Variants in CDH22 observed in about 807,000 individuals in gnomAD.
CDH22 encodes cadherin 22.
A neutral mutation model predicts 58.4 loss-of-function variants in CDH22; 30 were observed. The ratio of observed to expected loss-of-function variants is 0.51; its 90% CI spans 0.38 to 0.70. CDH22 has a LOEUF of 0.70. Among genes scored for constraint, CDH22 ranks in the 30% least tolerant of loss-of-function variants. CDH22 has a pLI of 0.00. For synonymous variants in CDH22, 513 were observed against 558.2 expected (o/e 0.92, Z 1.14); for missense variants, 1,014 against 1,233.9 (o/e 0.82, Z 2.67).
intron 1 of CDH22, among the ~76,000 whole-genome samples, chr20:46,263,304 T>G (rs1334510193): frequency 6.6e-6 from 1 of 152,158 alleles, no homozygotes; most frequent in Non-Finnish European, 1.5e-5. Context: ...CTTGTTCCAC[T>G]TATGGATTCA....
rs997717315 is a variant in CDH22, at chr20:46,174,378, T to C, written c.*128A>G. On this transcript the variant is annotated 3_prime_UTR_variant, in exon 12 of 12. Transcript: ENST00000537909. This position sits in a 1 kb window ranked among gnomAD's most constrained non-coding sequence, Gnocchi z 4.4. ...GAGTCCGCTCCTAGCAAGTCCCCCC[T>C]CCGTCCAGCCGCCAAGGGAGGGTTG... 82 of 640,546 alleles carry C rather than the reference T, an allele frequency of 1.3e-4. 1 individual carries two copies. The South Asian group carries it at 1.7e-3, about 14-fold the overall frequency. 39.7% of individuals were successfully genotyped at this position (640,546 alleles called of 1,614,324 possible).
Position 46,282,293 on chromosome 20 carries a change from C to T in CDH22, c.-400+25962G>A, listed in dbSNP as rs148842192. On this transcript the variant is annotated intron_variant, in intron 1 of 11. Coordinates refer to ENST00000537909, the MANE Select transcript of CDH22 (RefSeq NM_021248.3). The stretch of plus-strand genomic sequence containing the variant: ...GGTTAGATTCCACAGTAGATTTGCC[C>T]GGGGGGTGGGAGCAGCACTGGGGAG... Among the ~76,000 whole-genome samples, 526 of 152,106 alleles carry T rather than the reference C, an allele frequency of 3.5e-3. 8 individuals are homozygous for T. Among genetic ancestry groups the T allele is most frequent in the Admixed American group, 0.021 (318 of 15,284 alleles).
chr20:46,237,324 C>G (rs978260038), intron 3 of CDH22, among the ~76,000 whole-genome samples: 1 of 152,150 alleles, frequency 6.6e-6, no homozygotes, highest in Non-Finnish European at 1.5e-5. Context: ...GGCCCCCCGG[C>G]ACACTTCCCT....
chr20:46,267,466 C>CAAAGAAAAAGTGTCCAGTTA (rs2086466560), intron 1 of CDH22, among the ~76,000 whole-genome samples: 1 of 152,228 alleles, frequency 6.6e-6, no homozygotes, highest in African/African-American at 2.4e-5. Flanking sequence ...TCTCCAGTTA[C>CAAAGAAAAAGTGTCCAGTTA]CAATGAACAA....
intron 1 of CDH22, among the ~76,000 whole-genome samples, chr20:46,254,645 A>T (rs1395096864): frequency 1.3e-5 from 2 of 152,090 alleles, no homozygotes; most frequent in Non-Finnish European, 2.9e-5. Context: ...ATTAATCTAC[A>T]GTATAATTTC....
intron 1 of CDH22, among the ~76,000 whole-genome samples, chr20:46,295,678 GC>G (rs1344513831): frequency 6.6e-6 from 1 of 152,192 alleles, no homozygotes; most frequent in Non-Finnish European, 1.5e-5. Flanking sequence ...GCTCTGGGCT[GC>G]CATCCTCATT....
At chr20:46,281,519 ATCCTGC>A in intron 1 of CDH22, among the ~76,000 whole-genome samples, 1 of 151,384 alleles carries the variant, frequency 6.6e-6, no homozygotes, top group South Asian at 2.1e-4. Context: ...GGCATATAAC[ATCCTGC>A]CTTTGTATTC....
chr20:46,271,127 C>T (rs928554904), intron 1 of CDH22, among the ~76,000 whole-genome samples: 2 of 152,176 alleles, frequency 1.3e-5, no homozygotes, highest in African/African-American at 2.4e-5. Context: ...GAGGCTGTAC[C>T]ACCTGCTGGG....
At chr20:46,182,594 G>A (rs2085797456) in intron 10 of CDH22, among the ~76,000 whole-genome samples, 1 of 152,172 alleles carries the variant, frequency 6.6e-6, no homozygotes, top group Admixed American at 6.5e-5. Flanking sequence ...GAATCCCCAG[G>A]CATCAACCCT....
At position 46,212,979 on chromosome 20, in the gene CDH22, C is replaced by T. The variant is rs755740972; in HGVS notation, c.1032+16G>A. The T allele has an allele frequency of 6.2e-6, 10 of 1,610,888 alleles. No homozygotes were observed. The Admixed American group carries it at 8.3e-5, about 13-fold the overall frequency. Reference sequence around the variant, plus strand: ...CCTGAGGCCTGCCTCCCCCATTCCTCCTGAGGCAGCTGCACCTTCTGCACT... The same window carrying T: ...CCTGAGGCCTGCCTCCCCCATTCCTTCTGAGGCAGCTGCACCTTCTGCACT... On this transcript the variant is annotated intron_variant, in intron 6 of 11. Coordinates refer to ENST00000537909, the MANE Select transcript of CDH22 (RefSeq NM_021248.3).
intron 5 of CDH22, among the ~76,000 whole-genome samples, chr20:46,215,848 GC>G (rs2145694970): frequency 6.6e-6 from 1 of 152,360 alleles, no homozygotes; most frequent in African/African-American, 2.4e-5. Flanking sequence ...TCTGCATGGG[GC>G]TGCCTTCAGG....
At chr20:46,200,802 G>C (rs948455692) in intron 7 of CDH22, among the ~76,000 whole-genome samples, 1 of 152,184 alleles carries the variant, frequency 6.6e-6, no homozygotes, top group Non-Finnish European at 1.5e-5. Flanking sequence ...GTACTGGGGA[G>C]CCAACGGGGA....
intron 8 of CDH22, among the ~76,000 whole-genome samples, chr20:46,190,205 T>C (rs2085853410): frequency 6.6e-6 from 1 of 152,222 alleles, no homozygotes; most frequent in African/African-American, 2.4e-5. Context: ...CATAACACTC[T>C]CTCTTATTAT....
chr20:46,218,005 C>A (rs556226142), intron 4 of CDH22, among the ~76,000 whole-genome samples: 22 of 152,120 alleles, frequency 1.4e-4, no homozygotes, highest in African/African-American at 5.1e-4. Flanking sequence ...CAGCTCACTG[C>A]AACCTCCTCC....
intron 7 of CDH22, 115 bp from the exon 8 acceptor site, chr20:46,199,674 G>C: frequency 7.6e-7 from 1 of 1,317,448 alleles, no homozygotes; most frequent in Non-Finnish European, 1.0e-6. Context: ...CACACACAAG[G>C]GGCAGAGAAA....
intron 1 of CDH22, among the ~76,000 whole-genome samples, chr20:46,296,370 A>G (rs2086629069): frequency 6.6e-6 from 1 of 152,210 alleles, no homozygotes; most frequent in Non-Finnish European, 1.5e-5. Context: ...AGATGAGTAA[A>G]CAGAGGCTCA....
chr20:46,186,202 CAAAA>C (rs57944745), intron 10 of CDH22, among the ~76,000 whole-genome samples: 2 of 81,096 alleles, frequency 2.5e-5, no homozygotes. Flanking sequence ...GACCCTGTCT[CAAAA>C]AAAAAAAAAA....
chr20:46,185,756 T>C (rs148848005), intron 10 of CDH22, among the ~76,000 whole-genome samples: 69 of 152,306 alleles, frequency 4.5e-4, no homozygotes, highest in African/African-American at 1.5e-3. Context: ...TAGTGCCAGC[T>C]ACTCAGGAGG....
intron 8 of CDH22, among the ~76,000 whole-genome samples, chr20:46,192,059 T>C (rs556184134): frequency 6.6e-6 from 1 of 152,322 alleles, no homozygotes; most frequent in African/African-American, 2.4e-5. Context: ...TCCTACCAAA[T>C]GCCACTTCCC....
Sources: gnomAD v4.1 joint callset for allele counts (sites outside exome capture counted in the v4.1 genomes callset) on GRCh38, gnomAD v4.1.1 for gene constraint, Gnocchi (gnomAD v3.1) non-coding constraint, MANE v1.5 for transcripts, NCBI Gene and HGNC (gene_info 2026-07-23, HGNC 2026-07-21) for gene names.